The following CCND3 variants were observed in gnomAD, a reference collection of about 807,000 sequenced individuals.
The protein encoded by CCND3 is cyclin D3.
Under a neutral mutation model 28.7 loss-of-function variants are expected in CCND3, and 9 were observed. The observed-to-expected ratio is 0.31, with a 90% confidence interval of 0.19 to 0.55. The LOEUF is 0.55. Ranked by LOEUF, CCND3 falls within the 20% of genes least tolerant of loss-of-function variation. The pLI is 0.93. For synonymous variants in CCND3, 164 were observed against 163.9 expected, an observed-to-expected ratio of 1.00 and a Z score of 0.00; for missense variants, 315 against 385.8, an observed-to-expected ratio of 0.82 and a Z score of 1.54.
In CCND3 at chr6:42,007,238, A is replaced by G. The variant is rs555833996; in HGVS notation, c.-46+41263T>C. 5.3e-5 allele frequency among the ~76,000 whole-genome samples: 8 copies of G among 152,332 alleles called. No homozygotes were observed. The South Asian group carries it at 1.5e-3, about 28-fold the overall frequency. Reference sequence around the variant, plus strand: ...TTATTGGTTGTTTCATTGTTTTACAACAAAAATGTAAAAAGGTCTGTGTTT... The same window carrying G: ...TTATTGGTTGTTTCATTGTTTTACAGCAAAAATGTAAAAAGGTCTGTGTTT... On this transcript the variant is annotated intron_variant, in intron 1 of 4. Transcript: ENST00000372988.
At chr6:41,956,224 G>A (rs1776432383) in intron 1 of CCND3, among the ~76,000 whole-genome samples, 1 of 152,124 alleles carries the variant, frequency 6.6e-6, no homozygotes, top group Admixed American at 6.6e-5. Context: ...CCCAGGAGGT[G>A]GAGGTTGCGG....
chr6:41,949,086 C>T (rs956230180), intron 1 of CCND3, among the ~76,000 whole-genome samples: 6 of 152,152 alleles, frequency 3.9e-5, no homozygotes, highest in African/African-American at 7.2e-5. Flanking sequence ...TGATGGCTCA[C>T]GCCTGCAATC....
intron 1 of CCND3, among the ~76,000 whole-genome samples, chr6:41,991,542 A>G (rs926638536): frequency 6.6e-6 from 1 of 152,214 alleles, no homozygotes. Context: ...GTGTACAGTG[A>G]TCAGAGTAAT....
chr6:42,020,510 G>A (rs1163801092), intron 1 of CCND3, among the ~76,000 whole-genome samples: 1 of 152,156 alleles, frequency 6.6e-6, no homozygotes, highest in Non-Finnish European at 1.5e-5. Flanking sequence ...TTGGGATGAT[G>A]GTGAGGGGCT....
chr6:42,002,187 T>C (rs1027179532), intron 1 of CCND3, among the ~76,000 whole-genome samples: 3 of 151,774 alleles, frequency 2.0e-5, no homozygotes, highest in Non-Finnish European at 4.4e-5. Context: ...GGCTCACACC[T>C]GTAATCACAG....
intron 1 of CCND3, among the ~76,000 whole-genome samples, chr6:41,952,977 T>C (rs1252830535): frequency 2.0e-5 from 3 of 152,036 alleles, no homozygotes; most frequent in East Asian, 3.9e-4. Context: ...GGAAGACAAA[T>C]AAAACTGCAA....
At chr6:41,994,709 G>T (rs1375841198) in intron 1 of CCND3, among the ~76,000 whole-genome samples, 1 of 152,056 alleles carries the variant, frequency 6.6e-6, no homozygotes, top group Non-Finnish European at 1.5e-5. Flanking sequence ...GTGCATGTAT[G>T]GCGTAGGAAT....
chr6:41,935,043 G>A lies in CCND3; in HGVS notation c.*897C>T, dbSNP rs749130363. 4 of 233,130 alleles carry A rather than the reference G, an allele frequency of 1.7e-5. No homozygotes were observed. Among genetic ancestry groups the A allele is most frequent in the Non-Finnish European group, 2.5e-5 (3 of 118,026 alleles). The allele number at this position is 233,130 out of a possible 1,614,324, so 14.4% of individuals were successfully genotyped here. On this transcript the variant is annotated 3_prime_UTR_variant, in exon 5 of 5. Coordinates refer to ENST00000372991, the MANE Select transcript of CCND3 (RefSeq NM_001760.5). ...GCCTTAGGAAAGACCTGTGTCAACA[G>A]GGCTTGCCTCCCTCTCTAGACAGGG...
At chr6:41,983,807 T>C (rs2127413208) in intron 1 of CCND3, among the ~76,000 whole-genome samples, 1 of 152,200 alleles carries the variant, frequency 6.6e-6, no homozygotes, top group South Asian at 2.1e-4. Context: ...ATCACACCAC[T>C]GTACTCCAGC....
chr6:42,025,640 G>T (rs756566881), intron 1 of CCND3, among the ~76,000 whole-genome samples: 1 of 152,102 alleles, frequency 6.6e-6, no homozygotes, highest in African/African-American at 2.4e-5. Flanking sequence ...CCTGCACCCC[G>T]GCCGCCCCAC....
chr6:41,950,031 A>G (rs1776265425), intron 1 of CCND3, among the ~76,000 whole-genome samples: 1 of 150,754 alleles, frequency 6.6e-6, no homozygotes, highest in African/African-American at 2.4e-5. Context: ...TGAACCCGGG[A>G]AGCTTGCAGT....
intron 1 of CCND3, among the ~76,000 whole-genome samples, chr6:41,953,960 A>T (rs888219007): frequency 1.3e-5 from 2 of 151,866 alleles, no homozygotes; most frequent in East Asian, 1.9e-4. Flanking sequence ...TTTAAAAAAA[A>T]TTTTTGGTGG....
At chr6:42,024,846 G>A (rs1419129271) in intron 1 of CCND3, among the ~76,000 whole-genome samples, 1 of 152,162 alleles carries the variant, frequency 6.6e-6, no homozygotes, top group East Asian at 1.9e-4. Flanking sequence ...ATCACCTGAG[G>A]TCAGGAGTTC....
At chr6:41,971,041 C>T (rs1184341032) in intron 1 of CCND3, among the ~76,000 whole-genome samples, 1 of 151,954 alleles carries the variant, frequency 6.6e-6, no homozygotes, top group Non-Finnish European at 1.5e-5. Flanking sequence ...CCGCAGCCTC[C>T]CGAGTAGCTG....
intron 1 of CCND3, among the ~76,000 whole-genome samples, chr6:42,005,818 G>A (rs1763159694): frequency 6.6e-6 from 1 of 151,878 alleles, no homozygotes; most frequent in African/African-American, 2.4e-5. Flanking sequence ...CAAGCAGCTG[G>A]GATTACAGGC....
chr6:41,936,656 G>A lies in CCND3; in HGVS notation c.614C>T (p.Thr205Met), dbSNP rs369263952. ...TTGCACTGCAGCCCCAATGCTGCCC[G>A]TGGCGATCATGGATGGCGGGTACAT... is the stretch of plus-strand genomic sequence containing the variant. ...FAMYPPSMIA[T>M]GSIGAAVQGL... The change falls in exon 4 of 5, where the codon ACG (threonine) becomes ATG (methionine). Residue 205 changes from threonine to methionine, a missense_variant. Transcript: ENST00000372991. This position sits in a 1 kb window ranked among gnomAD's most constrained non-coding sequence, Gnocchi z 4.4. 10 of 1,614,168 alleles carry A rather than the reference G, an allele frequency of 6.2e-6. No individual in the cohort carries two copies. The highest frequency in any genetic ancestry group is 1.7e-4 in the Middle Eastern group (1 of 6,060).
At chr6:42,016,470 T>C (rs1763515128) in intron 1 of CCND3, among the ~76,000 whole-genome samples, 1 of 152,152 alleles carries the variant, frequency 6.6e-6, no homozygotes, top group African/African-American at 2.4e-5. Context: ...CATGGGATAA[T>C]AATAGCTCCT....
chr6:41,994,069 T>C (rs1390466381), intron 1 of CCND3, among the ~76,000 whole-genome samples: 3 of 149,688 alleles, frequency 2.0e-5, no homozygotes, highest in African/African-American at 4.9e-5. Flanking sequence ...AATACAGTCA[T>C]ATGCCACACA....
chr6:42,010,661 C>G (rs1763319195), intron 1 of CCND3, among the ~76,000 whole-genome samples: 2 of 152,174 alleles, frequency 1.3e-5, no homozygotes, highest in South Asian at 4.1e-4. Flanking sequence ...GGGGAAACAG[C>G]TGTGCTCCTC....
Sources: allele counts gnomAD v4.1 joint callset (sites outside exome capture counted in the v4.1 genomes callset), GRCh38; gene constraint gnomAD v4.1.1; non-coding constraint Gnocchi (gnomAD v3.1); transcripts MANE v1.5; gene names NCBI Gene and HGNC (gene_info 2026-07-23, HGNC 2026-07-21).